The following STT3B variants were observed in gnomAD, a reference collection of about 807,000 sequenced individuals.
The protein encoded by STT3B is STT3 oligosaccharyltransferase complex catalytic subunit B.
Under a neutral mutation model 96.8 loss-of-function variants are expected in STT3B, and 29 were observed. The ratio of observed to expected loss-of-function variants is 0.30; its 90% confidence interval spans 0.22 to 0.41. The LOEUF (loss-of-function observed/expected upper bound fraction) is 0.41, where lower values mean the gene tolerates loss of function less well. Ranked by LOEUF, STT3B falls within the 10% of genes least tolerant of loss-of-function variation. The probability of loss-of-function intolerance (pLI) is 1.00; values close to 1 mark genes in which losing one functional copy is unlikely to be tolerated. For synonymous variants in STT3B, 367 were observed against 360.0 expected, an observed-to-expected ratio of 1.02 and a Z score of -0.22; for missense variants, 640 against 1,022.3, an observed-to-expected ratio of 0.63 and a Z score of 5.10.
chr3:31,601,623 G>A lies in STT3B; in HGVS notation c.877+1164G>A, dbSNP rs148745174. On this transcript the variant is annotated intron_variant, in intron 5 of 15. Coordinates refer to ENST00000295770, the MANE Select transcript of STT3B (RefSeq NM_178862.3). ...GGAGGAGAATGTGGAGAGGAGAGGAGAGGTGTGACTGTTGAATGGATATGG... is the reference window on the plus strand; with the variant it reads ...GGAGGAGAATGTGGAGAGGAGAGGAAAGGTGTGACTGTTGAATGGATATGG... Among the ~76,000 whole-genome samples, 334 of 152,246 alleles carry A rather than the reference G, an allele frequency of 2.2e-3. 1 individual carries two copies. The highest frequency in any genetic ancestry group is 0.01 in the Middle Eastern group (3 of 294).
At chr3:31,609,822 C>T (rs979206959) in intron 5 of STT3B, among the ~76,000 whole-genome samples, 12 of 151,842 alleles carry the variant, frequency 7.9e-5, no homozygotes, top group African/African-American at 2.9e-4. Flanking sequence ...CTTTAACTCC[C>T]AAAGTTCTGG....
intron 8 of STT3B, 71 bp downstream of exon 8, chr3:31,618,059 G>C: frequency 9.1e-7 from 1 of 1,096,782 alleles, no homozygotes; most frequent in Non-Finnish European, 1.4e-6. Flanking sequence ...TATCTGTTTT[G>C]TCAGTGTTTC....
At chr3:31,577,636 A>C (rs1215663541) in intron 2 of STT3B, among the ~76,000 whole-genome samples, 1 of 152,160 alleles carries the variant, frequency 6.6e-6, no homozygotes, top group Non-Finnish European at 1.5e-5. Context: ...TTTAGAAAGA[A>C]CATGTTCTCC....
At chr3:31,563,713 G>A (rs1351826647) in intron 1 of STT3B, among the ~76,000 whole-genome samples, 1 of 152,226 alleles carries the variant, frequency 6.6e-6, no homozygotes, top group Non-Finnish European at 1.5e-5. Context: ...TAATGCCCCT[G>A]TGGCCAGGAT....
rs147826418 is a variant in STT3B at position 31,564,754 on chromosome 3, C to T, written c.315-11642C>T. On this transcript the variant is annotated intron_variant, in intron 1 of 15. Transcript: ENST00000295770. ...CAAGGTGCAAAGTTCATCAGGGTTA[C>T]GTATAAAGGAAGGATTGCCAATAAA... is the stretch of plus-strand genomic sequence containing the variant. Among the ~76,000 whole-genome samples, 189 of 152,002 alleles carry T rather than the reference C, an allele frequency of 1.2e-3. 1 individual carries two copies. The highest frequency in any genetic ancestry group is 6.8e-3 in the Middle Eastern group (2 of 294).
At chr3:31,559,416 A>G (rs1382382666) in intron 1 of STT3B, among the ~76,000 whole-genome samples, 1 of 151,146 alleles carries the variant, frequency 6.6e-6, no homozygotes, top group East Asian at 1.9e-4. Flanking sequence ...GTTTGTTCCA[A>G]GAAATTTTTT....
At chr3:31,542,551 A>G (rs1465853990) in intron 1 of STT3B, among the ~76,000 whole-genome samples, 1 of 152,012 alleles carries the variant, frequency 6.6e-6, no homozygotes, top group Non-Finnish European at 1.5e-5. Flanking sequence ...ACAGAATTCA[A>G]ACTTAATATT....
intron 1 of STT3B, among the ~76,000 whole-genome samples, chr3:31,559,356 A>G (rs1697807250): frequency 9.3e-6 from 1 of 106,962 alleles, no homozygotes; most frequent in East Asian, 3.2e-4. Context: ...TAAACTTAGC[A>G]TGGTTTTTGC....
chr3:31,624,521 T>C (rs1385093491), intron 11 of STT3B, among the ~76,000 whole-genome samples: 2 of 152,216 alleles, frequency 1.3e-5, no homozygotes, highest in Non-Finnish European at 2.9e-5. Flanking sequence ...CAGTCTGTGG[T>C]TTAATAGACC....
chr3:31,619,101 T>C (rs954614946), intron 8 of STT3B, among the ~76,000 whole-genome samples: 1 of 152,070 alleles, frequency 6.6e-6, no homozygotes. Flanking sequence ...GGTGTAATTA[T>C]TGGGTAAAGT....
intron 10 of STT3B, among the ~76,000 whole-genome samples, chr3:31,623,339 A>G (rs1699468347): frequency 6.6e-6 from 1 of 152,198 alleles, no homozygotes; most frequent in Non-Finnish European, 1.5e-5. Flanking sequence ...ATAAGAATTT[A>G]CATATTAAGA....
At position 31,635,867 on chromosome 3, in the gene STT3B, A is replaced by G. The variant is rs538314108; in HGVS notation, c.2401-117A>G. 2.7e-4 allele frequency: 176 copies of G among 660,830 alleles called. 1 individual carries two copies. In the African/African-American group the frequency reaches 3.0e-3, roughly 11 times the overall value. 40.9% of individuals were successfully genotyped at this position (660,830 alleles called of 1,614,324 possible). A position where few individuals can be genotyped will look rare whatever the true frequency, so the allele number is the denominator to read the frequency against. On this transcript the variant is annotated intron_variant, in intron 15 of 15. Transcript: ENST00000295770. ...ACTGAACTATTCAAGGAATCCAGTC[A>G]CAAGAAGAGCAGAGAGCTTACTAAG...
chr3:31,584,946 C>G (rs1439497041), intron 3 of STT3B, among the ~76,000 whole-genome samples: 2 of 152,030 alleles, frequency 1.3e-5, no homozygotes, highest in African/African-American at 4.8e-5. Flanking sequence ...ACAGTTCTAA[C>G]TACTATGAAA....
At chr3:31,582,109 A>G (rs183639153) in intron 3 of STT3B, among the ~76,000 whole-genome samples, 2 of 152,188 alleles carry the variant, frequency 1.3e-5, no homozygotes, top group East Asian at 3.9e-4. Context: ...AGATTTGTCA[A>G]TCGTGTTGCT....
chr3:31,533,577 T>C, intron 1 of STT3B: 1 of 283,356 alleles, frequency 3.5e-6, no homozygotes, highest in Middle Eastern at 1.1e-3. Flanking sequence ...CTGCCAGGAG[T>C]GTGGATGCAG....
At chr3:31,564,044 G>A (rs1052902336) in intron 1 of STT3B, among the ~76,000 whole-genome samples, 6 of 152,126 alleles carry the variant, frequency 3.9e-5, no homozygotes, top group African/African-American at 1.4e-4. Flanking sequence ...GACCCAAACA[G>A]CATTGAATAT....
At position 31,596,845 on chromosome 3, in the gene STT3B, C is replaced by T; in HGVS notation, c.759C>T (p.Cys253=). 1.2e-6 allele frequency: 2 copies of T among 1,612,632 alleles called. No individual in the cohort carries two copies. The highest frequency in any genetic ancestry group is 8.5e-7 in the Non-Finnish European group (1 of 1,179,118). The change falls in exon 4 of 16, where the codon TGC becomes TGT. Residue 253 remains cysteine, a synonymous_variant. Coordinates refer to ENST00000295770, the MANE Select transcript of STT3B (RefSeq NM_178862.3). ...TGSVFWTMCC[C]LSYFYMVSAW... is the part of the protein sequence containing the mutation. ...CAGTTTTTTGGACAATGTGCTGCTG[C>T]TTATCCTATTTCTATATGGTAAGAT...
intron 3 of STT3B, among the ~76,000 whole-genome samples, chr3:31,592,675 A>G (rs1698692262): frequency 6.6e-6 from 1 of 152,104 alleles, no homozygotes; most frequent in South Asian, 2.1e-4. Flanking sequence ...TAGTTCCCTA[A>G]TGAGTAGTAA....
chr3:31,556,660 T>G (rs1460072558), intron 1 of STT3B, among the ~76,000 whole-genome samples: 1 of 152,236 alleles, frequency 6.6e-6, no homozygotes, highest in African/African-American at 2.4e-5. Flanking sequence ...ACGTTGAACA[T>G]TTTTTCATAT....
Sources: gnomAD v4.1 joint callset for allele counts (sites outside exome capture counted in the v4.1 genomes callset) on GRCh38, gnomAD v4.1.1 for gene constraint, MANE v1.5 for transcripts, NCBI Gene and HGNC (gene_info 2026-07-23, HGNC 2026-07-21) for gene names.